Variants in STXBP6 observed in about 807,000 individuals in gnomAD.
STXBP6 encodes syntaxin binding protein 6, also known as syntaxin-binding protein 6.
In STXBP6, 21 loss-of-function variants were observed where a neutral mutation model predicts 26.9. The observed-to-expected ratio is 0.78, with a 90% CI of 0.55 to 1.12. The LOEUF (loss-of-function observed/expected upper bound fraction) is 1.12, where lower values mean the gene tolerates loss of function less well. Among genes scored for constraint, STXBP6 ranks in the 50% most tolerant of loss-of-function variants. The pLI, the probability that STXBP6 is intolerant of heterozygous loss-of-function variation, is 0.00. For synonymous variants in STXBP6, 97 were observed against 92.6 expected, an observed-to-expected ratio of 1.05 and a Z score of -0.27; for missense variants, 232 against 257.9, an observed-to-expected ratio of 0.90 and a Z score of 0.69.
chr14:24,846,155 A>T (rs1478959841), intron 4 of STXBP6, among the ~76,000 whole-genome samples: 1 of 152,202 alleles, frequency 6.6e-6, no homozygotes, highest in Non-Finnish European at 1.5e-5. Flanking sequence ...CCTGAAAACC[A>T]AGCCAAAGAC....
intron 1 of STXBP6, among the ~76,000 whole-genome samples, chr14:25,015,836 GT>G (rs1429262816): frequency 6.6e-6 from 1 of 150,788 alleles, no homozygotes. Context: ...TACTTCTCCT[GT>G]GCTTTACACA....
chr14:24,937,184 T>G (rs1180283014), intron 2 of STXBP6, among the ~76,000 whole-genome samples: 1 of 152,194 alleles, frequency 6.6e-6, no homozygotes, highest in African/African-American at 2.4e-5. Flanking sequence ...AAATACCTAA[T>G]GTAGGTGACA....
intron 2 of STXBP6, among the ~76,000 whole-genome samples, chr14:24,857,680 A>G (rs939970580): frequency 6.6e-6 from 1 of 151,802 alleles, no homozygotes; most frequent in East Asian, 1.9e-4. Flanking sequence ...AAAAATCCCC[A>G]AACTATTTGG....
At chr14:24,972,174 C>T (rs1337844052) in intron 2 of STXBP6, among the ~76,000 whole-genome samples, 1 of 152,146 alleles carries the variant, frequency 6.6e-6, no homozygotes, top group Non-Finnish European at 1.5e-5. Context: ...TCTCAAGATT[C>T]AAAACCATGA....
intron 1 of STXBP6, among the ~76,000 whole-genome samples, chr14:25,009,506 G>A (rs1335212587): frequency 2.6e-5 from 4 of 152,130 alleles, no homozygotes; most frequent in Admixed American, 6.5e-5. Context: ...ACAGTATCAT[G>A]TAGCGTAATC....
chr14:24,930,102 T>C (rs1011663030), intron 2 of STXBP6, among the ~76,000 whole-genome samples: 2 of 152,232 alleles, frequency 1.3e-5, no homozygotes, highest in African/African-American at 4.8e-5. Context: ...ATGCTTCTGT[T>C]AGCTTGCAAC....
chr14:24,866,403 G>A (rs529494236), intron 2 of STXBP6, among the ~76,000 whole-genome samples: 2 of 151,976 alleles, frequency 1.3e-5, no homozygotes, highest in Non-Finnish European at 2.9e-5. Flanking sequence ...ACATATGTGT[G>A]TATATATATG....
At chr14:24,856,992 G>C (rs781205518) in intron 3 of STXBP6, 35 bp downstream of exon 3, 24 of 1,601,800 alleles carry the variant, frequency 1.5e-5, no homozygotes, top group Non-Finnish European at 8.5e-7. Flanking sequence ...CTTGTGAAAA[G>C]AATGCCTTTG....
intron 2 of STXBP6, among the ~76,000 whole-genome samples, chr14:24,860,906 T>C (rs1254414066): frequency 2.7e-5 from 4 of 146,562 alleles, no homozygotes; most frequent in Non-Finnish European, 4.6e-5. Context: ...AAACAATCAG[T>C]ATATACCACC....
chr14:24,907,687 G>A (rs1394741938), intron 2 of STXBP6, among the ~76,000 whole-genome samples: 2 of 152,026 alleles, frequency 1.3e-5, no homozygotes, highest in Non-Finnish European at 2.9e-5. Flanking sequence ...CTTATAACAA[G>A]TAGTTACACT....
chr14:24,817,977 G>C (rs559759502), intron 5 of STXBP6: 58 of 448,788 alleles, frequency 1.3e-4, no homozygotes, highest in Non-Finnish European at 2.0e-4. Context: ...ACCTGAGCGT[G>C]AGCCTCCAGA....
chr14:25,010,512 G>A (rs2075004227), intron 1 of STXBP6: 1 of 152,150 alleles, frequency 6.6e-6, no homozygotes, highest in African/African-American at 2.4e-5. Flanking sequence ...GTTTTTATAA[G>A]GCATTTACCT....
intron 2 of STXBP6, among the ~76,000 whole-genome samples, chr14:24,907,587 A>T (rs1285064173): frequency 1.3e-5 from 2 of 152,094 alleles, no homozygotes; most frequent in African/African-American, 4.8e-5. Flanking sequence ...ATACTTTTTA[A>T]TTTATTTTCT....
intron 2 of STXBP6, among the ~76,000 whole-genome samples, chr14:24,935,662 G>T (rs1424325974): frequency 6.6e-6 from 1 of 152,116 alleles, no homozygotes; most frequent in Non-Finnish European, 1.5e-5. Context: ...AAATGTGTCT[G>T]CAAAGAGTAT....
intron 2 of STXBP6, among the ~76,000 whole-genome samples, chr14:24,947,283 T>C (rs939408153): frequency 1.3e-5 from 2 of 152,176 alleles, no homozygotes; most frequent in Admixed American, 6.5e-5. Flanking sequence ...CTGTGGCTTA[T>C]GCTCAGGCAG....
At chr14:24,835,730 C>T (rs1020549798) in intron 4 of STXBP6, among the ~76,000 whole-genome samples, 1 of 152,168 alleles carries the variant, frequency 6.6e-6, no homozygotes, top group African/African-American at 2.4e-5. Context: ...ACAAAGTAGA[C>T]TGTACAGATT....
intron 1 of STXBP6, among the ~76,000 whole-genome samples, chr14:25,043,670 G>A (rs999747649): frequency 3.3e-5 from 5 of 152,032 alleles, no homozygotes; most frequent in African/African-American, 1.2e-4. Context: ...TTCCTATTGC[G>A]TACACTTCAT....
intron 2 of STXBP6, among the ~76,000 whole-genome samples, chr14:24,917,747 AT>A (rs2071821089): frequency 6.6e-6 from 1 of 152,134 alleles, no homozygotes; most frequent in African/African-American, 2.4e-5. Flanking sequence ...AAAAAGATAA[AT>A]TAAAATTCAT....
At chr14:24,970,634 T>C (rs938242552) in intron 2 of STXBP6, among the ~76,000 whole-genome samples, 2 of 152,342 alleles carry the variant, frequency 1.3e-5, no homozygotes, top group Non-Finnish European at 2.9e-5. Flanking sequence ...AATATGTAGA[T>C]GGGTATTTAT....
Sources: gnomAD v4.1 joint callset for allele counts (sites outside exome capture counted in the v4.1 genomes callset) on GRCh38, gnomAD v4.1.1 for gene constraint, MANE v1.5 for transcripts, NCBI Gene and HGNC (gene_info 2026-07-23, HGNC 2026-07-21) for gene names.